The following DDR1 variants were observed in gnomAD, a reference collection of about 807,000 sequenced individuals.
DDR1 encodes the protein epithelial discoidin domain-containing receptor 1.
Under a neutral mutation model 97.4 loss-of-function variants are expected in DDR1, and 64 were observed. The observed-to-expected ratio is 0.66, with a 90% CI of 0.54 to 0.81. DDR1 has a LOEUF of 0.81. Ranked by LOEUF, DDR1 falls within the 30% of genes least tolerant of loss-of-function variation. The probability of loss-of-function intolerance (pLI) is 0.00; values close to 1 mark genes in which losing one functional copy is unlikely to be tolerated. For synonymous variants in DDR1, 458 were observed against 503.7 expected (o/e 0.91, Z 1.21); for missense variants, 990 against 1,259.6 (o/e 0.79, Z 3.24).
chr6:30,895,045 C>A (rs149456774), intron 11 of DDR1, among the ~76,000 whole-genome samples: 1 of 152,244 alleles, frequency 6.6e-6, no homozygotes, highest in East Asian at 1.9e-4. Flanking sequence ...ATCCATCCAT[C>A]AATCTTCCAT....
At position 30,887,294 on chromosome 6, in the gene DDR1, T is replaced by C. The variant is rs368780788; in HGVS notation, c.-42-1394T>C. On this transcript the variant is annotated intron_variant, in intron 1 of 17. Transcript: ENST00000376568. Reference sequence around the variant, plus strand: ...ATTTATTTTTTAAAAGTCAAAATGATTTTCATATTCTTTTACATATCTTAT... The same window carrying C: ...ATTTATTTTTTAAAAGTCAAAATGACTTTCATATTCTTTTACATATCTTAT... Among the ~76,000 whole-genome samples the C allele has an allele frequency of 1.6e-3, 248 of 152,356 alleles. 4 individuals carry two copies. The South Asian group carries it at 0.031, about 19-fold the overall frequency.
At position 30,891,305 on chromosome 6, in the gene DDR1, C is replaced by A; in HGVS notation, c.566-75C>A. Reference sequence around the variant, plus strand: ...GAGAGATACAAGAAGGGACCTGAAACCTGCCCAGGCCTGATGCAGGGATGG... The same window carrying A: ...GAGAGATACAAGAAGGGACCTGAAAACTGCCCAGGCCTGATGCAGGGATGG... On this transcript the variant is annotated intron_variant, in intron 5 of 17. Coordinates refer to ENST00000376568, the MANE Select transcript of DDR1 (RefSeq NM_001297654.2). This position sits in a 1 kb window ranked among gnomAD's most constrained non-coding sequence, Gnocchi z 5.3. The A allele has an allele frequency of 6.9e-7, 1 of 1,440,928 alleles. No individual in the cohort carries two copies. Among genetic ancestry groups the A allele is most frequent in the South Asian group, 1.2e-5 (1 of 83,208 alleles). The allele number at this position is 1,440,928 out of a possible 1,614,324, so 89.3% of individuals were successfully genotyped here.
At position 30,894,777 on chromosome 6, in the gene DDR1, TTTC is replaced by T. The variant is rs1220702426; in HGVS notation, c.1513+112_1513+114del. 61 of 1,288,048 alleles carry T rather than the reference TTTC, an allele frequency of 4.7e-5. No homozygotes were observed. Among genetic ancestry groups the T allele is most frequent in the Non-Finnish European group, 6.3e-5 (60 of 953,388 alleles). 79.8% of individuals were successfully genotyped at this position (1,288,048 alleles called of 1,614,324 possible). A position where few individuals can be genotyped will look rare whatever the true frequency, so the allele number is the denominator to read the frequency against. ...CCTGTCTTCCCCAGTTTCCACTTGT[TTTC>T]TTCTTTCTGTGCCCCTGGTTACTGT... On this transcript the variant is annotated intron_variant, in intron 11 of 17. Transcript: ENST00000376568. This position sits in a 1 kb window ranked among gnomAD's most constrained non-coding sequence, Gnocchi z 5.7.
Position 30,892,494 on chromosome 6 carries a change from C to T in DDR1, c.1051C>T (p.Leu351Phe). 1.2e-6 allele frequency: 2 copies of T among 1,610,126 alleles called. No individual in the cohort carries two copies. The highest frequency in any genetic ancestry group is 1.7e-6 in the Non-Finnish European group (2 of 1,178,588). Residue 351 changes from leucine to phenylalanine, a missense_variant, in exon 8 of 18, where the codon CTC becomes TTC. Transcript: ENST00000376568. ...RVARFLQCRFLFAGPWLLFSE... is the reference protein window; with the variant it reads ...RVARFLQCRFFFAGPWLLFSE... ...GGCTCGCTTTCTGCAGTGCCGCTTC[C>T]TCTTTGCGGGGCCCTGGTTACTCTT...
In DDR1 at chr6:30,892,163, G is replaced by A. The variant is rs765090409; in HGVS notation, c.827G>A (p.Arg276Gln). The stretch of plus-strand genomic sequence containing the variant: ...GTGGAGATGGAGTTTGAGTTTGACC[G>A]GCTGAGGGCCTTCCAGGCTATGCAG... ...GYVEMEFEFD[R>Q]LRAFQAMQVH... is the part of the protein sequence containing the mutation. Residue 276 changes from arginine to glutamine, a missense_variant, in exon 7 of 18, where the codon CGG (arginine) becomes CAG (glutamine). By Grantham distance (43) the Arg-to-Gln change is conservative. Transcript: ENST00000376568. 1.5e-5 allele frequency: 24 copies of A among 1,614,042 alleles called. No individual in the cohort carries two copies. Among genetic ancestry groups the A allele is most frequent in the Middle Eastern group, 1.6e-4 (1 of 6,084 alleles).
rs766789217 is a variant in DDR1 at position 30,897,412 on chromosome 6, G to C, written c.2031G>C (p.Ser677=). ...NDFLKEVKIM[S]RLKDPNIIRL... Reference sequence around the variant, plus strand: ...TCCTGAAAGAGGTGAAGATCATGTCGAGGCTCAAGGACCCAAACATCATTC... The same window carrying C: ...TCCTGAAAGAGGTGAAGATCATGTCCAGGCTCAAGGACCCAAACATCATTC... Residue 677 remains serine (S), a synonymous_variant, in exon 15 of 18, where the codon TCG becomes TCC. Coordinates refer to ENST00000376568, the MANE Select transcript of DDR1 (RefSeq NM_001297654.2). The surrounding 1 kb of genome is among the most constrained non-coding windows in gnomAD (Gnocchi z 5.2). The C allele has an allele frequency of 5.0e-6, 8 of 1,613,948 alleles. No individual in the cohort carries two copies. Among genetic ancestry groups the C allele is most frequent in the Non-Finnish European group, 6.8e-6 (8 of 1,180,016 alleles).
At chr6:30,896,249 T>C (rs1314158995) in intron 12 of DDR1, among the ~76,000 whole-genome samples, 1 of 151,448 alleles carries the variant, frequency 6.6e-6, no homozygotes, top group Non-Finnish European at 1.5e-5. Flanking sequence ...GTTTGGAAGG[T>C]GGAGGGTGCC....
chr6:30,881,619 T>C (rs1011421453), upstream of DDR1, among the ~76,000 whole-genome samples: 15 of 152,174 alleles, frequency 9.9e-5, no homozygotes, highest in Non-Finnish European at 2.2e-4. Flanking sequence ...TCTTAGGAGT[T>C]TGTTTCCAAC....
rs746907532 is a variant in DDR1 at position 30,886,839 on chromosome 6, G to A, written c.-42-1849G>A. 6.6e-6 allele frequency: 1 copy of A among 152,332 alleles called. No homozygotes were observed. Among genetic ancestry groups the A allele is most frequent in the Admixed American group, 6.5e-5 (1 of 15,286 alleles). The allele number at this position is 152,332 out of a possible 1,614,324, so 9.4% of individuals were successfully genotyped here. A position where few individuals can be genotyped will look rare whatever the true frequency, so the allele number is the denominator to read the frequency against. On this transcript the variant is annotated intron_variant, in intron 1 of 17. Transcript: ENST00000376568. The surrounding 1 kb of genome is among the most constrained non-coding windows in gnomAD (Gnocchi z 4.6). ...GGGCTCTGAGACCAGTACAGGTTAGGATAGCTTTTCCTGCAGCAGGGGAGG... is the reference window on the plus strand; with the variant it reads ...GGGCTCTGAGACCAGTACAGGTTAGAATAGCTTTTCCTGCAGCAGGGGAGG...
In DDR1 at chr6:30,891,340, C is replaced by A; in HGVS notation, c.566-40C>A. 1 of 1,530,670 alleles carries A rather than the reference C, an allele frequency of 6.5e-7. No homozygotes were observed. The highest frequency in any genetic ancestry group is 9.0e-7 in the Non-Finnish European group (1 of 1,108,386). 94.8% of individuals were successfully genotyped at this position (1,530,670 alleles called of 1,614,324 possible). A position where few individuals can be genotyped will look rare whatever the true frequency, so the allele number is the denominator to read the frequency against. On this transcript the variant is annotated intron_variant, in intron 5 of 17. Coordinates refer to ENST00000376568, the MANE Select transcript of DDR1 (RefSeq NM_001297654.2). The surrounding 1 kb of genome is among the most constrained non-coding windows in gnomAD (Gnocchi z 5.3). ...CCTGATGCAGGGATGGGGGATGGAGCCTTAGTGCCTCTGACCCCCATCCTC... is the reference window on the plus strand; with the variant it reads ...CCTGATGCAGGGATGGGGGATGGAGACTTAGTGCCTCTGACCCCCATCCTC...
At chr6:30,898,417 A>T in intron 16 of DDR1, 110 bp downstream of exon 16, 1 of 803,190 alleles carries the variant, frequency 1.2e-6, no homozygotes, top group Non-Finnish European at 2.0e-6. Flanking sequence ...GTTGCATTTT[A>T]CAGAATCTCA....
intron 13 of DDR1, 41 bp from the exon 14 acceptor site, chr6:30,896,973 T>C: frequency 6.3e-7 from 1 of 1,598,744 alleles, no homozygotes; most frequent in Non-Finnish European, 8.5e-7. Flanking sequence ...GTTAATCCGT[T>C]TGACCCTGTG....
intron 1 of DDR1, chr6:30,885,826 T>C: frequency 7.8e-7 from 1 of 1,289,644 alleles, no homozygotes; most frequent in Non-Finnish European, 1.0e-6. Flanking sequence ...GTTTGTGTGT[T>C]TCACCGTGTG....
Position 30,898,113 on chromosome 6 carries a change from G to T in DDR1, c.2257G>T (p.Gly753Cys). 1.9e-6 allele frequency: 3 copies of T among 1,614,254 alleles called. No homozygotes were observed. Among genetic ancestry groups the T allele is most frequent in the Non-Finnish European group, 2.5e-6 (3 of 1,180,038 alleles). The change falls in exon 16 of 18, where the codon GGC becomes TGC. Residue 753 changes from glycine (G) to cysteine (C), a missense_variant. By Grantham distance (159) the Gly-to-Cys change is radical. Coordinates refer to ENST00000376568, the MANE Select transcript of DDR1 (RefSeq NM_001297654.2). ...GCATGTGGCAGCCCAGATCGCCTCCGGCATGCGCTATCTGGCCACACTCAA... is the reference window on the plus strand; with the variant it reads ...GCATGTGGCAGCCCAGATCGCCTCCTGCATGCGCTATCTGGCCACACTCAA... ...LLHVAAQIASGMRYLATLNFV... is the reference protein window; with the variant it reads ...LLHVAAQIASCMRYLATLNFV...
Position 30,886,954 on chromosome 6 carries a change from A to C in DDR1, c.-42-1734A>C, listed in dbSNP as rs931080124. 1 of 152,180 alleles carries C rather than the reference A, an allele frequency of 6.6e-6. No individual in the cohort carries two copies. Among genetic ancestry groups the C allele is most frequent in the African/African-American group, 2.4e-5 (1 of 41,436 alleles). The allele number at this position is 152,180 out of a possible 1,614,324, so 9.4% of individuals were successfully genotyped here. On this transcript the variant is annotated intron_variant, in intron 1 of 17. Transcript: ENST00000376568. The surrounding 1 kb of genome is among the most constrained non-coding windows in gnomAD (Gnocchi z 4.6). Reference sequence around the variant, plus strand: ...CCTGGGCCTGAGGAACAGAGTAGGGATTTTCAAACTTTAATGGGCACAGGT... The same window carrying C: ...CCTGGGCCTGAGGAACAGAGTAGGGCTTTTCAAACTTTAATGGGCACAGGT...
At position 30,885,909 on chromosome 6, in the gene DDR1, G is replaced by A. The variant is rs374008972; in HGVS notation, c.-43+1199G>A. ...TGGGAGAGGAGCGTGAAGGGCTTGA[G>A]GCAGGGTGGCCTGGCCCCTGGTTTG... On this transcript the variant is annotated intron_variant, in intron 1 of 17. Coordinates refer to ENST00000376568, the MANE Select transcript of DDR1 (RefSeq NM_001297654.2). The A allele has an allele frequency of 2.4e-3, 2,441 of 1,036,604 alleles. 45 individuals are homozygous for A. The South Asian group carries it at 0.025, about 11-fold the overall frequency. The allele number at this position is 1,036,604 out of a possible 1,614,324, so 64.2% of individuals were successfully genotyped here. A position where few individuals can be genotyped will look rare whatever the true frequency, so the allele number is the denominator to read the frequency against.
In DDR1 at chr6:30,888,597, T is replaced by C. The variant is rs1263537806; in HGVS notation, c.-42-91T>C. 2 of 1,390,080 alleles carry C rather than the reference T, an allele frequency of 1.4e-6. No individual in the cohort carries two copies. The highest frequency in any genetic ancestry group is 2.5e-5 in the East Asian group (1 of 40,048). 86.1% of individuals were successfully genotyped at this position (1,390,080 alleles called of 1,614,324 possible). ...GACTGTTGTTGTTGTTTTACTGTTA[T>C]TATCCCCAAAGCGGCCCATTCTGTC... is the stretch of plus-strand genomic sequence containing the variant. On this transcript the variant is annotated intron_variant, in intron 1 of 17. Transcript: ENST00000376568. The surrounding 1 kb of genome is among the most constrained non-coding windows in gnomAD (Gnocchi z 4.2).
rs780397649 is a variant in DDR1, at chr6:30,892,329, C to T, written c.886C>T (p.Arg296Cys). The change falls in exon 8 of 18, where the codon CGT becomes TGT. Residue 296 changes from arginine (R) to cysteine (C), a missense_variant. Physicochemically the swap from Arg to Cys is radical, Grantham distance 180. Coordinates refer to ENST00000376568, the MANE Select transcript of DDR1 (RefSeq NM_001297654.2). ...HCNNMHTLGARLPGGVECRFR... is the reference protein window; with the variant it reads ...HCNNMHTLGACLPGGVECRFR... Reference sequence around the variant, plus strand: ...TAACAACATGCACACGCTGGGAGCCCGTCTGCCTGGCGGGGTGGAATGTCG... The same window carrying T: ...TAACAACATGCACACGCTGGGAGCCTGTCTGCCTGGCGGGGTGGAATGTCG... The T allele has an allele frequency of 6.4e-6, 10 of 1,574,072 alleles. No homozygotes were observed. Among genetic ancestry groups the T allele is most frequent in the Middle Eastern group, 1.7e-4 (1 of 5,898 alleles).
chr6:30,891,336 G>T lies in DDR1; in HGVS notation c.566-44G>T. 6.6e-7 allele frequency: 1 copy of T among 1,522,038 alleles called. No homozygotes were observed. The highest frequency in any genetic ancestry group is 9.1e-7 in the Non-Finnish European group (1 of 1,101,448). The allele number at this position is 1,522,038 out of a possible 1,614,324, so 94.3% of individuals were successfully genotyped here. On this transcript the variant is annotated intron_variant, in intron 5 of 17. Coordinates refer to ENST00000376568, the MANE Select transcript of DDR1 (RefSeq NM_001297654.2). The surrounding 1 kb of genome is among the most constrained non-coding windows in gnomAD (Gnocchi z 5.3). ...CAGGCCTGATGCAGGGATGGGGGAT[G>T]GAGCCTTAGTGCCTCTGACCCCCAT...
Sources: gnomAD v4.1 joint callset for allele counts (sites outside exome capture counted in the v4.1 genomes callset) on GRCh38, gnomAD v4.1.1 for gene constraint, Gnocchi (gnomAD v3.1) non-coding constraint, MANE v1.5 for transcripts, NCBI Gene and HGNC (gene_info 2026-07-23, HGNC 2026-07-21) for gene names.